Variants in PAK3 observed in about 807,000 individuals in gnomAD.
PAK3 encodes p21 (RAC1) activated kinase 3.
In PAK3, 4 loss-of-function variants were observed where a neutral mutation model predicts 41.0. The ratio of observed to expected loss-of-function variants is 0.10; its 90% CI spans 0.05 to 0.22. The LOEUF (loss-of-function observed/expected upper bound fraction) is 0.22. Ranked by LOEUF, PAK3 falls within the 10% of genes least tolerant of loss-of-function variation. PAK3 has a pLI of 1.00. For synonymous variants in PAK3, 146 were observed against 139.6 expected, an observed-to-expected ratio of 1.05 and a Z score of -0.32; for missense variants, 205 against 409.9, an observed-to-expected ratio of 0.50 and a Z score of 4.32.
rs2094923339 is a variant in PAK3, at chrX:111,220,945, C to CAAAAAAAAAAAAAAAACA, written c.*514_*515insCAAAAAAAAAAAAAAAAA. 2.0e-5 allele frequency: 1 copy of CAAAAAAAAAAAAAAAACA among 49,419 alleles called. No homozygotes were observed. Among genetic ancestry groups the CAAAAAAAAAAAAAAAACA allele is most frequent in the Non-Finnish European group, 3.5e-5 (1 of 28,189 alleles). 4.1% of individuals were successfully genotyped at this position (49,419 alleles called of 1,213,427 possible). A position where few individuals can be genotyped will look rare whatever the true frequency, so the allele number is the denominator to read the frequency against. On this transcript the variant is annotated 3_prime_UTR_variant, in exon 18 of 18. Transcript: ENST00000372007. ...AAAAAAGAAAGCAAAAAAAGCAAGG[C>CAAAAAAAAAAAAAAAACA]AAAAAAAAAAAAAAAAACAAACAAA...
chrX:111,004,064 C>G (rs2091887803), intron 1 of PAK3, among the ~76,000 whole-genome samples: 1 of 112,271 alleles, frequency 8.9e-6, no homozygotes, highest in Non-Finnish European at 1.9e-5. Flanking sequence ...AACACAGTGT[C>G]TGGCATATAG....
chrX:111,099,946 T>C (rs1008626296), intron 3 of PAK3, among the ~76,000 whole-genome samples: 1 of 109,209 alleles, frequency 9.2e-6, no homozygotes, highest in Middle Eastern at 4.4e-3. Context: ...CTTCTTTTTT[T>C]GTATGCCCTC....
chrX:111,003,750 T>C (rs1219537667), intron 1 of PAK3, among the ~76,000 whole-genome samples: 2 of 111,248 alleles, frequency 1.8e-5, no homozygotes, highest in South Asian at 7.6e-4. Context: ...GCAGACACAG[T>C]GGAGTAGGAG....
intron 1 of PAK3, among the ~76,000 whole-genome samples, chrX:110,977,072 C>T (rs1215277662): frequency 3.6e-5 from 4 of 110,467 alleles, no homozygotes; most frequent in Non-Finnish European, 7.6e-5. Flanking sequence ...CAAACCTGCA[C>T]GCTGTGCACA....
Position 111,210,170 on chromosome X carries a change from G to A in PAK3, c.1408-6251G>A, listed in dbSNP as rs182274079. On this transcript the variant is annotated intron_variant, in intron 16 of 17. Coordinates refer to ENST00000372007, the MANE Select transcript of PAK3 (RefSeq NM_002578.5). ...TCTAACATTATAAATAAGGTCCGTA[G>A]GTTATGGGGCCTATATTGCCTCACC... Among the ~76,000 whole-genome samples, 663 of 111,856 alleles carry A rather than the reference G, an allele frequency of 5.9e-3. 9 individuals are homozygous for A. Among genetic ancestry groups the A allele is most frequent in the African/African-American group, 0.02 (617 of 30,830 alleles).
intron 11 of PAK3, among the ~76,000 whole-genome samples, chrX:111,186,022 A>T (rs945115179): frequency 5.4e-5 from 6 of 111,570 alleles, no homozygotes; most frequent in Non-Finnish European, 7.5e-5. Flanking sequence ...TCCATCCCTT[A>T]AACAGAACCA....
At chrX:111,186,806 A>G (rs1174157650) in intron 11 of PAK3, among the ~76,000 whole-genome samples, 1 of 112,216 alleles carries the variant, frequency 8.9e-6, no homozygotes, top group Non-Finnish European at 1.9e-5. Flanking sequence ...ATGGAACCAA[A>G]AAAAGACACC....
At chrX:111,062,682 G>C (rs886380007) in intron 1 of PAK3, among the ~76,000 whole-genome samples, 1 of 111,411 alleles carries the variant, frequency 9.0e-6, no homozygotes, top group Admixed American at 9.5e-5. Flanking sequence ...AGGCTCAGCA[G>C]ATCATATTCC....
At chrX:110,964,445 C>T (rs1287691681) in intron 1 of PAK3, among the ~76,000 whole-genome samples, 1 of 112,329 alleles carries the variant, frequency 8.9e-6, no homozygotes, top group African/African-American at 3.2e-5. Context: ...CTTGATGTAG[C>T]AGGTCCATGG....
At chrX:110,972,994 C>A (rs1044922158) in intron 1 of PAK3, among the ~76,000 whole-genome samples, 2 of 111,116 alleles carry the variant, frequency 1.8e-5, no homozygotes, top group Non-Finnish European at 3.8e-5. Context: ...TGAAATAAAG[C>A]AAGAAGAAAA....
rs773504418 is a variant in PAK3, at chrX:111,152,420, A to G, written c.441A>G (p.Ala147=). 1.3e-5 allele frequency: 15 copies of G among 1,173,372 alleles called. No homozygotes were observed. In the African/African-American group the frequency reaches 2.7e-4, roughly 21 times the overall value. Residue 147 remains alanine, a synonymous_variant, in exon 8 of 18, where the codon GCA becomes GCG. Coordinates refer to ENST00000372007, the MANE Select transcript of PAK3 (RefSeq NM_002578.5). ...ATTCTCACTTTGCAGATAAAAGTGC[A>G]CATGGATACATAGCAGCCCATCCTT... is the stretch of plus-strand genomic sequence containing the variant. ...YMSFTSGDKS[A]HGYIAAHPSS...
intron 16 of PAK3, among the ~76,000 whole-genome samples, chrX:111,215,934 A>G (rs1169479405): frequency 1.8e-5 from 2 of 112,071 alleles, no homozygotes; most frequent in Admixed American, 1.9e-4. Flanking sequence ...TAATTCTATA[A>G]TGTACTCTCT....
At chrX:111,162,046 A>G (rs111412381) in intron 8 of PAK3, among the ~76,000 whole-genome samples, 3 of 111,765 alleles carry the variant, frequency 2.7e-5, no homozygotes, top group African/African-American at 9.7e-5. Context: ...GCTGGGCTCC[A>G]CTTCCAGAGT....
chrX:110,951,886 C>T (rs1266546359), intron 1 of PAK3, among the ~76,000 whole-genome samples: 1 of 112,229 alleles, frequency 8.9e-6, no homozygotes, highest in Admixed American at 9.4e-5. Flanking sequence ...TCTATCTCAT[C>T]TTAAGACACT....
intron 1 of PAK3, among the ~76,000 whole-genome samples, chrX:110,995,642 C>T (rs1429308887): frequency 9.0e-6 from 1 of 111,091 alleles, no homozygotes; most frequent in East Asian, 2.9e-4. Flanking sequence ...CACATGATTT[C>T]CCTCCTCAAA....
chrX:111,114,019 T>C (rs972504741), intron 4 of PAK3, among the ~76,000 whole-genome samples: 15 of 112,453 alleles, frequency 1.3e-4, no homozygotes, highest in African/African-American at 4.8e-4. Context: ...CTTAATCCAG[T>C]CTATCATTGA....
At chrX:111,198,714 C>T (rs915428678) in intron 16 of PAK3, among the ~76,000 whole-genome samples, 1 of 110,923 alleles carries the variant, frequency 9.0e-6, no homozygotes. Context: ...CAGTACCATG[C>T]TGTTTTGGTT....
intron 1 of PAK3, among the ~76,000 whole-genome samples, chrX:110,974,087 G>A (rs918963020): frequency 1.6e-4 from 18 of 110,776 alleles, no homozygotes; most frequent in East Asian, 2.8e-4. Flanking sequence ...TCCTACAAAG[G>A]GACTTAGACT....
intron 1 of PAK3, among the ~76,000 whole-genome samples, chrX:111,014,301 C>T (rs1214985111): frequency 1.8e-5 from 2 of 111,564 alleles, no homozygotes; most frequent in East Asian, 5.7e-4. Flanking sequence ...TCTGTTTGTT[C>T]TTTGGTTTCA....
Sources: gnomAD v4.1 joint callset for allele counts (sites outside exome capture counted in the v4.1 genomes callset) on GRCh38, gnomAD v4.1.1 for gene constraint, MANE v1.5 for transcripts, NCBI Gene and HGNC (gene_info 2026-07-23, HGNC 2026-07-21) for gene names.